Variants in KCNQ1 observed in about 807,000 individuals in gnomAD.
KCNQ1 encodes potassium voltage-gated channel subfamily KQT member 1.
A neutral mutation model predicts 72.4 loss-of-function variants in KCNQ1; 49 were observed. That is an observed-to-expected ratio of 0.68 (90% CI 0.54 to 0.86). KCNQ1 has a LOEUF of 0.86. Ranked by LOEUF, KCNQ1 falls within the 40% of genes least tolerant of loss-of-function variation. KCNQ1 has a pLI of 0.00. For missense variants in KCNQ1, 790 were observed against 945.1 expected (o/e 0.84, Z 2.15); for synonymous variants, 450 against 412.6 (o/e 1.09, Z -1.10).
intron 15 of KCNQ1, chr11:2,839,610 AG>A (rs58550088): frequency 0.079 from 11,988 of 152,416 alleles, 1,612 homozygotes; most frequent in African/African-American, 0.27. Flanking sequence ...CGAGAGGAAG[AG>A]GAAGGGAGGC....
Position 2,683,762 on chromosome 11 carries a change from G to A in KCNQ1, c.1514+21681G>A. On this transcript the variant is annotated intron_variant, in intron 11 of 15. Transcript: ENST00000155840. This position sits in a 1 kb window ranked among gnomAD's most constrained non-coding sequence, Gnocchi z 4.7. ...GCTCTGAGGCAGCCCAGATGACATG[G>A]GCCTCTAAGGCTGGCTGCTCTTACT... is the stretch of plus-strand genomic sequence containing the variant. The A allele has an allele frequency of 2.5e-6, 1 of 398,500 alleles. No individual in the cohort carries two copies. Among genetic ancestry groups the A allele is most frequent in the Middle Eastern group, 6.3e-4 (1 of 1,588 alleles). The allele number at this position is 398,500 out of a possible 1,614,324, so 24.7% of individuals were successfully genotyped here.
At position 2,676,973 on chromosome 11, in the gene KCNQ1, T is replaced by A; in HGVS notation, c.1514+14892T>A. 1 of 398,658 alleles carries A rather than the reference T, an allele frequency of 2.5e-6. No homozygotes were observed. The allele number at this position is 398,658 out of a possible 1,614,324, so 24.7% of individuals were successfully genotyped here. ...TATTAAGACATCTAGCAAATCTCCT[T>A]TTCATTAACAGCTGCAGAGTTTCAT... On this transcript the variant is annotated intron_variant, in intron 11 of 15. Transcript: ENST00000155840. This position sits in a 1 kb window ranked among gnomAD's most constrained non-coding sequence, Gnocchi z 4.2.
intron 11 of KCNQ1, among the ~76,000 whole-genome samples, chr11:2,744,719 C>T (rs1846110160): frequency 6.6e-6 from 1 of 152,252 alleles, no homozygotes; most frequent in South Asian, 2.1e-4. Context: ...CACCCTTGGC[C>T]TCGTCACATG....
chr11:2,590,209 C>T (rs918726069), intron 10 of KCNQ1, among the ~76,000 whole-genome samples: 2 of 152,192 alleles, frequency 1.3e-5, no homozygotes, highest in Non-Finnish European at 2.9e-5. Context: ...CTTGTCTTCC[C>T]AGGAGAAAAC....
At chr11:2,717,777 C>G (rs1200071242) in intron 11 of KCNQ1, among the ~76,000 whole-genome samples, 2 of 152,168 alleles carry the variant, frequency 1.3e-5, no homozygotes, top group Non-Finnish European at 2.9e-5. Flanking sequence ...AGCGGGTAGA[C>G]AGGAAAGCAG....
intron 11 of KCNQ1, chr11:2,700,066 T>A: frequency 2.5e-6 from 1 of 397,990 alleles, no homozygotes; most frequent in Non-Finnish European, 4.4e-6. Flanking sequence ...CACCTGCTGA[T>A]TGGGCGGCAG....
Position 2,847,962 on chromosome 11 carries a change from C to A in KCNQ1, c.1990C>A (p.Gln664Lys). Reference sequence around the variant, plus strand: ...CAGCAACACCCTGCCCACCTACGAGCAGCTGACCGTGCCCAGGAGGGGCCC... The same window carrying A: ...CAGCAACACCCTGCCCACCTACGAGAAGCTGACCGTGCCCAGGAGGGGCCC... ...LPSNTLPTYE[Q>K]LTVPRRGPDE... The change falls in exon 16 of 16, where the codon CAG (glutamine) becomes AAG (lysine). Residue 664 changes from glutamine (Q) to lysine (K), a missense_variant. Physicochemically the swap from Gln to Lys is moderately conservative, Grantham distance 53 (BLOSUM62 1). This residue lies in a region of KCNQ1 where 94 missense variants were observed against 85.2 expected (regional missense o/e 1.10). Transcript: ENST00000155840. 2 of 1,562,004 alleles carry A rather than the reference C, an allele frequency of 1.3e-6. No individual in the cohort carries two copies. The highest frequency in any genetic ancestry group is 2.4e-5 in the East Asian group (1 of 42,380).
intron 1 of KCNQ1, among the ~76,000 whole-genome samples, chr11:2,506,567 C>T (rs179412): frequency 7.9e-5 from 12 of 152,300 alleles, no homozygotes; most frequent in South Asian, 2.1e-4. Context: ...AGAATAACTT[C>T]GTAGGTATGG....
At chr11:2,793,296 C>T (rs1334728962) in intron 15 of KCNQ1, among the ~76,000 whole-genome samples, 1 of 152,184 alleles carries the variant, frequency 6.6e-6, no homozygotes, top group African/African-American at 2.4e-5. Context: ...CATGTGAGGG[C>T]TCCGAGCTTT....
At chr11:2,760,291 G>T (rs1389909399) in intron 11 of KCNQ1, among the ~76,000 whole-genome samples, 2 of 152,250 alleles carry the variant, frequency 1.3e-5, no homozygotes, top group East Asian at 2.0e-4. Flanking sequence ...GGGCAGGCGG[G>T]CGTGGAGGAG....
chr11:2,747,252 A>G (rs1263742092), intron 11 of KCNQ1, among the ~76,000 whole-genome samples: 2 of 152,266 alleles, frequency 1.3e-5, no homozygotes, highest in Non-Finnish European at 2.9e-5. Flanking sequence ...GCCCCAATTT[A>G]TTAGTCTTCT....
intron 11 of KCNQ1, among the ~76,000 whole-genome samples, chr11:2,754,542 C>T (rs2283226): frequency 3.9e-5 from 6 of 152,068 alleles, no homozygotes; most frequent in African/African-American, 1.5e-4. Context: ...AGCCCATTAT[C>T]CCAGTGGACA....
chr11:2,833,331 C>G (rs1385057708), intron 15 of KCNQ1, among the ~76,000 whole-genome samples: 1 of 152,108 alleles, frequency 6.6e-6, no homozygotes, highest in Admixed American at 6.5e-5. Flanking sequence ...GCCCTGGAGC[C>G]GAGTCCTCCC....
rs766224458 is a variant in KCNQ1 at position 2,647,739 on chromosome 11, G to C, written c.1394-14222G>C. On this transcript the variant is annotated intron_variant, in intron 10 of 15. Coordinates refer to ENST00000155840, the MANE Select transcript of KCNQ1 (RefSeq NM_000218.3). The surrounding 1 kb of genome is among the most constrained non-coding windows in gnomAD (Gnocchi z 4.0). ...AATCTTGGGAGGTTATATATGTCCA[G>C]GAATTTATCTCTTTCCTCTAGGTTT... The C allele has an allele frequency of 3.8e-5, 15 of 398,232 alleles. No homozygotes were observed. Among genetic ancestry groups the C allele is most frequent in the Non-Finnish European group, 6.2e-5 (14 of 225,984 alleles). 24.7% of individuals were successfully genotyped at this position (398,232 alleles called of 1,614,324 possible).
chr11:2,461,815 C>T, intron 1 of KCNQ1: 3 of 946,284 alleles, frequency 3.2e-6, no homozygotes, highest in Non-Finnish European at 1.5e-6. Context: ...GATGGGTGGA[C>T]AGCTGGATAG....
Position 2,613,235 on chromosome 11 carries a change from G to T in KCNQ1, c.1393+24381G>T. The T allele has an allele frequency of 2.5e-6, 1 of 398,524 alleles. No individual in the cohort carries two copies. The highest frequency in any genetic ancestry group is 4.4e-6 in the Non-Finnish European group (1 of 226,070). The allele number at this position is 398,524 out of a possible 1,614,324, so 24.7% of individuals were successfully genotyped here. A position where few individuals can be genotyped will look rare whatever the true frequency, so the allele number is the denominator to read the frequency against. On this transcript the variant is annotated intron_variant, in intron 10 of 15. Transcript: ENST00000155840. The surrounding 1 kb of genome is among the most constrained non-coding windows in gnomAD (Gnocchi z 4.8). Reference sequence around the variant, plus strand: ...CTGCTTGCAAAAGGTCTCACAGTCAGCCAAGGATAAGTAGATAGCAGGAAA... The same window carrying T: ...CTGCTTGCAAAAGGTCTCACAGTCATCCAAGGATAAGTAGATAGCAGGAAA...
In KCNQ1 at chr11:2,647,299, C is replaced by T; in HGVS notation, c.1394-14662C>T. On this transcript the variant is annotated intron_variant, in intron 10 of 15. Transcript: ENST00000155840. This position sits in a 1 kb window ranked among gnomAD's most constrained non-coding sequence, Gnocchi z 4.0. Reference sequence around the variant, plus strand: ...CATTTATTGATTTGTATATGTTGAACCATCCTTGAATCCCTGGGATAAATC... The same window carrying T: ...CATTTATTGATTTGTATATGTTGAATCATCCTTGAATCCCTGGGATAAATC... The T allele has an allele frequency of 2.5e-6, 1 of 398,400 alleles. No homozygotes were observed. The highest frequency in any genetic ancestry group is 4.4e-6 in the Non-Finnish European group (1 of 226,030). 24.7% of individuals were successfully genotyped at this position (398,400 alleles called of 1,614,324 possible).
At position 2,483,630 on chromosome 11, in the gene KCNQ1, C is replaced by T. The variant is rs940538730; in HGVS notation, c.386+38146C>T. ...AGTACTGGGCGGCTGTTTTGTAGAA[C>T]GTCCCTCGGTTTGGATTCTCTGATA... is the stretch of plus-strand genomic sequence containing the variant. On this transcript the variant is annotated intron_variant, in intron 1 of 15. Transcript: ENST00000155840. The surrounding 1 kb of genome is among the most constrained non-coding windows in gnomAD (Gnocchi z 6.1). Among the ~76,000 whole-genome samples, 20 of 152,262 alleles carry T rather than the reference C, an allele frequency of 1.3e-4. No individual in the cohort carries two copies. The highest frequency in any genetic ancestry group is 4.3e-4 in the African/African-American group (18 of 41,548).
Position 2,562,406 on chromosome 11 carries a change from G to A in KCNQ1, c.478-8222G>A, listed in dbSNP as rs557943041. On this transcript the variant is annotated intron_variant, in intron 2 of 15. Coordinates refer to ENST00000155840, the MANE Select transcript of KCNQ1 (RefSeq NM_000218.3). The surrounding 1 kb of genome is among the most constrained non-coding windows in gnomAD (Gnocchi z 7.5). ...CGGCCAGCTGACCCTCCCCGGAGCC[G>A]AGGCTGGCTCTCTCTGTGGCTTATC... Among the ~76,000 whole-genome samples, 18 of 152,280 alleles carry A rather than the reference G, an allele frequency of 1.2e-4. No individual in the cohort carries two copies. Among genetic ancestry groups the A allele is most frequent in the Admixed American group, 7.8e-4 (12 of 15,308 alleles).
Sources: gnomAD v4.1 joint callset for allele counts (sites outside exome capture counted in the v4.1 genomes callset) on GRCh38, gnomAD v4.1.1 for gene constraint, gnomAD v4.1.1 regional missense constraint, Gnocchi (gnomAD v3.1) non-coding constraint, MANE v1.5 for transcripts, NCBI Gene and HGNC (gene_info 2026-07-23, HGNC 2026-07-21) for gene names.